BTAF1: variants seen among roughly 807,000 people sequenced by gnomAD.
The protein encoded by BTAF1 is TATA-binding protein-associated factor 172.
A neutral mutation model predicts 227.1 loss-of-function variants in BTAF1; 38 were observed. That is an observed-to-expected ratio of 0.17 (90% CI 0.13 to 0.22). The LOEUF is 0.22. Among genes scored for constraint, BTAF1 ranks in the 10% least tolerant of loss-of-function variants. The pLI is 1.00. For synonymous variants in BTAF1, 742 were observed against 751.9 expected (o/e 0.99, Z 0.21); for missense variants, 1,598 against 2,204.0 (o/e 0.73, Z 5.51).
Position 92,028,985 on chromosome 10 carries a change from A to C in BTAF1, c.*52A>C. 2 of 1,494,380 alleles carry C rather than the reference A, an allele frequency of 1.3e-6. No homozygotes were observed. The highest frequency in any genetic ancestry group is 2.7e-5 in the South Asian group (2 of 74,924). 92.6% of individuals were successfully genotyped at this position (1,494,380 alleles called of 1,614,324 possible). ...TGCTAGTTCAGTTACATTTCTGCTG[A>C]TATTCAGCAAATTTCTAAGTTTATG... is the stretch of plus-strand genomic sequence containing the variant. On this transcript the variant is annotated 3_prime_UTR_variant, in exon 38 of 38. Coordinates refer to ENST00000265990, the MANE Select transcript of BTAF1 (RefSeq NM_003972.3).
intron 34 of BTAF1, among the ~76,000 whole-genome samples, chr10:92,022,167 T>TA (rs1554869328): frequency 2.0e-5 from 3 of 152,186 alleles, no homozygotes; most frequent in African/African-American, 7.2e-5. Context: ...CAGAGATACT[T>TA]ACGTCAAATG....
intron 25 of BTAF1, among the ~76,000 whole-genome samples, chr10:91,999,388 A>G (rs529638471): frequency 1.3e-4 from 20 of 151,496 alleles, no homozygotes; most frequent in Non-Finnish European, 2.7e-4. Context: ...AATTCAACAC[A>G]TTTTCAAGAC....
intron 6 of BTAF1, among the ~76,000 whole-genome samples, chr10:91,954,931 A>AT (rs1382578524): frequency 2.0e-5 from 3 of 152,250 alleles, no homozygotes; most frequent in African/African-American, 7.2e-5. Context: ...AAATGTTTGC[A>AT]TAAATGCTGA....
At chr10:92,018,165 C>T (rs944157537) in intron 33 of BTAF1, among the ~76,000 whole-genome samples, 1 of 152,076 alleles carries the variant, frequency 6.6e-6, no homozygotes, top group African/African-American at 2.4e-5. Flanking sequence ...CTTACTGCAA[C>T]CTCCACCTCC....
Position 91,989,310 on chromosome 10 carries a change from T to G in BTAF1, c.2584T>G (p.Cys862Gly), listed in dbSNP as rs1848598909. 1 of 1,614,194 alleles carries G rather than the reference T, an allele frequency of 6.2e-7. No homozygotes were observed. Among genetic ancestry groups the G allele is most frequent in the South Asian group, 1.1e-5 (1 of 91,086 alleles). ...LQLRVHTFAA[C>G]AVVSLQQLPE... is the part of the protein sequence containing the mutation. ...GTTGAGAGTGCATACTTTTGCTGCC[T>G]GTGCAGTTGTGAGCTTGCAGCAGCT... Residue 862 changes from cysteine (C) to glycine (G), a missense_variant, in exon 20 of 38, where the codon TGT (cysteine) becomes GGT (glycine). Cys to Gly is a radical substitution (Grantham distance 159, BLOSUM62 -3). Around this residue, in one of 10 missense-constraint regions of BTAF1, gnomAD observed 425 missense variants for 491.2 expected, o/e 0.87. Transcript: ENST00000265990.
At chr10:92,022,965 C>T (rs1851244631) in intron 34 of BTAF1, among the ~76,000 whole-genome samples, 1 of 152,130 alleles carries the variant, frequency 6.6e-6, no homozygotes, top group Admixed American at 6.5e-5. Context: ...TGTGTTCTTC[C>T]TCAAGCATTG....
intron 11 of BTAF1, among the ~76,000 whole-genome samples, chr10:91,960,587 GTTTT>G (rs369256520): frequency 4.3e-5 from 6 of 140,312 alleles, no homozygotes; most frequent in South Asian, 2.3e-4. Context: ...AACTGTCAGT[GTTTT>G]TTTTTTTTTT....
intron 7 of BTAF1, among the ~76,000 whole-genome samples, 163 bp from the exon 8 acceptor site, chr10:91,957,062 G>A (rs1247957592): frequency 6.6e-6 from 1 of 151,980 alleles, no homozygotes; most frequent in Non-Finnish European, 1.5e-5. Flanking sequence ...TCTATTGAGA[G>A]AAATTTTATC....
rs751133299 is a variant in BTAF1 at position 92,018,863 on chromosome 10, C to T, written c.4791C>T (p.Ala1597=). ...TPQHPEFKTT[A]EKLAVQNSSL... is the part of the protein sequence containing the mutation. ...AACATCCAGAATTCAAGACCACTGC[C>T]GAAAAACTGGCAGTTCAGAATTCTT... Residue 1597 remains alanine (A), a synonymous_variant, in exon 34 of 38, where the codon GCC becomes GCT. Coordinates refer to ENST00000265990, the MANE Select transcript of BTAF1 (RefSeq NM_003972.3). The T allele has an allele frequency of 3.0e-5, 48 of 1,610,402 alleles. No individual in the cohort carries two copies. The highest frequency in any genetic ancestry group is 4.0e-5 in the African/African-American group (3 of 74,738).
chr10:91,976,682 A>T (rs1465893287), intron 14 of BTAF1, among the ~76,000 whole-genome samples: 1 of 152,206 alleles, frequency 6.6e-6, no homozygotes, highest in African/African-American at 2.4e-5. Flanking sequence ...AATTTCTTAT[A>T]TTACAGTATC....
At chr10:91,981,898 A>T in intron 16 of BTAF1, 106 bp downstream of exon 16, 2 of 1,384,300 alleles carry the variant, frequency 1.4e-6, no homozygotes, top group Non-Finnish European at 9.6e-7. Context: ...TTTAATTAAC[A>T]TAAGTAAGGA....
chr10:91,955,317 G>A (rs1846019761), intron 6 of BTAF1, among the ~76,000 whole-genome samples: 1 of 152,116 alleles, frequency 6.6e-6, no homozygotes, highest in Non-Finnish European at 1.5e-5. Context: ...CTATTTGCCA[G>A]GTATTGTTCT....
At position 91,959,837 on chromosome 10, in the gene BTAF1, G is replaced by C. The variant is rs143642000; in HGVS notation, c.1043G>C (p.Cys348Ser). The change falls in exon 10 of 38, where the codon TGT becomes TCT. Residue 348 changes from cysteine (C) to serine (S), a missense_variant. Around this residue, in one of 10 missense-constraint regions of BTAF1, gnomAD observed 13 missense variants for 45.2 expected, o/e 0.29. Transcript: ENST00000265990. ...GAAGACTTGGTTATTAGACTCCTTT[G>C]TGTTTTTGCATTAGACAGATTTGGA... ...WLEDLVIRLL[C>S]VFALDRFGDF... The C allele has an allele frequency of 1.9e-6, 3 of 1,609,422 alleles. No homozygotes were observed. The African/African-American group carries it at 4.0e-5, about 22-fold the overall frequency.
rs961926603 is a variant in BTAF1 at position 92,030,058 on chromosome 10, C to G, written c.*1125C>G. The G allele has an allele frequency of 6.6e-6, 1 of 152,400 alleles. No homozygotes were observed. The highest frequency in any genetic ancestry group is 2.4e-5 in the African/African-American group (1 of 41,398). The allele number at this position is 152,400 out of a possible 1,614,324, so 9.4% of individuals were successfully genotyped here. ...AGTTTCACGCATAAATTAATACATG[C>G]CTGTGTGCATACATATGTATGGGAT... On this transcript the variant is annotated 3_prime_UTR_variant, in exon 38 of 38. Coordinates refer to ENST00000265990, the MANE Select transcript of BTAF1 (RefSeq NM_003972.3).
intron 19 of BTAF1, among the ~76,000 whole-genome samples, chr10:91,987,816 C>A (rs572976842): frequency 1.3e-5 from 2 of 152,274 alleles, no homozygotes; most frequent in South Asian, 4.1e-4. Flanking sequence ...TTTCTTCTTG[C>A]GCAAGTACGC....
At chr10:92,026,502 C>A in intron 35 of BTAF1, 90 bp from the exon 36 acceptor site, 1 of 1,062,092 alleles carries the variant, frequency 9.4e-7, no homozygotes, top group African/African-American at 1.6e-5. Flanking sequence ...TTTAAAGCAG[C>A]ATTTTCATTT....
At chr10:91,997,093 C>T (rs1252107969) in intron 24 of BTAF1, 5 of 1,287,444 alleles carry the variant, frequency 3.9e-6, no homozygotes, top group South Asian at 1.2e-5. Flanking sequence ...TTTCACAGAG[C>T]TCAAAAGATG....
intron 1 of BTAF1, among the ~76,000 whole-genome samples, chr10:91,924,451 A>G (rs1427550312): frequency 6.6e-6 from 1 of 152,074 alleles, no homozygotes; most frequent in African/African-American, 2.4e-5. Context: ...TCATGGGAAA[A>G]CTTGGTAGTT....
chr10:92,027,073 G>T (rs532955217), intron 36 of BTAF1, 57 bp from the exon 37 acceptor site: 2 of 1,533,622 alleles, frequency 1.3e-6, no homozygotes, highest in Non-Finnish European at 1.8e-6. Flanking sequence ...CCTCTGACTC[G>T]TTGGAACCTC....
Sources: gnomAD v4.1 joint callset for allele counts (sites outside exome capture counted in the v4.1 genomes callset) on GRCh38, gnomAD v4.1.1 for gene constraint, gnomAD v4.1.1 regional missense constraint, MANE v1.5 for transcripts, NCBI Gene and HGNC (gene_info 2026-07-23, HGNC 2026-07-21) for gene names.